ZNF638: variants seen among roughly 807,000 people sequenced by gnomAD.
ZNF638 encodes CTCL tumor antigen se33-1.
Under a neutral mutation model 195.6 loss-of-function variants are expected in ZNF638, and 46 were observed. The ratio of observed to expected loss-of-function variants is 0.24; its 90% CI spans 0.19 to 0.30. ZNF638 has a LOEUF of 0.30. Ranked by LOEUF, ZNF638 falls within the 10% of genes least tolerant of loss-of-function variation. The probability of loss-of-function intolerance (pLI) is 1.00; values close to 1 mark genes in which losing one functional copy is unlikely to be tolerated. For missense variants in ZNF638, 2,440 were observed against 2,325.3 expected, an observed-to-expected ratio of 1.05 and a Z score of -1.01; for synonymous variants, 845 against 772.0, an observed-to-expected ratio of 1.09 and a Z score of -1.57.
At position 71,364,179 on chromosome 2, in the gene ZNF638, A is replaced by G. The variant is rs1038546259; in HGVS notation, c.1644A>G (p.Pro548=). The G allele has an allele frequency of 2.5e-6, 4 of 1,614,074 alleles. No individual in the cohort carries two copies. In the African/African-American group the frequency reaches 5.3e-5, roughly 22 times the overall value. Residue 548 remains proline, a synonymous_variant, in exon 5 of 28, where the codon CCA becomes CCG. Coordinates refer to ENST00000264447, the MANE Select transcript of ZNF638 (RefSeq NM_014497.5). ...GTTCACCATATCGAATTAGAAATCC[A>G]TTTAGAGGTAGTCCAAAATGCTTTC... ...RSRSPYRIRN[P]FRGSPKCFRS...
intron 11 of ZNF638, among the ~76,000 whole-genome samples, chr2:71,397,537 C>A (rs982279121): frequency 3.3e-5 from 5 of 152,110 alleles, no homozygotes; most frequent in Non-Finnish European, 5.9e-5. Context: ...ATTCTCATAA[C>A]GTTCCTGTTA....
rs66593443 is a variant in ZNF638, at chr2:71,336,372, CA to C, written c.-203+4525del. Among the ~76,000 whole-genome samples the C allele has an allele frequency of 4.6e-3, 485 of 105,374 alleles. 1 individual carries two copies. In the East Asian group the frequency reaches 0.083, roughly 18 times the overall value. 69.1% of individuals were successfully genotyped at this position (105,374 alleles called of 152,430 possible). On this transcript the variant is annotated intron_variant, in intron 1 of 27. Coordinates refer to ENST00000264447, the MANE Select transcript of ZNF638 (RefSeq NM_014497.5). ...GGCAACAAGAGTGAAATTCCATCTC[CA>C]AAAAAAAAAAAAAAAAAAAAAAAAA... is the stretch of plus-strand genomic sequence containing the variant.
At chr2:71,411,289 T>C (rs1481213885) in intron 20 of ZNF638, among the ~76,000 whole-genome samples, 1 of 151,570 alleles carries the variant, frequency 6.6e-6, no homozygotes, top group Non-Finnish European at 1.5e-5. Context: ...TTAGCCACCA[T>C]GCCTGGCCCC....
intron 1 of ZNF638, 126 bp downstream of exon 1, chr2:71,332,001 A>T: frequency 1.6e-4 from 106 of 672,960 alleles, no homozygotes; most frequent in Middle Eastern, 7.7e-4. Context: ...TCCGCACAAA[A>T]TGGCGGCGGG....
At chr2:71,332,439 G>T (rs374854243) in intron 1 of ZNF638, among the ~76,000 whole-genome samples, 1 of 152,200 alleles carries the variant, frequency 6.6e-6, no homozygotes, top group Admixed American at 6.5e-5. Flanking sequence ...GATGAAGGAG[G>T]GAATGTTAGG....
At chr2:71,419,943 C>A in intron 21 of ZNF638, among the ~76,000 whole-genome samples, 1 of 126,928 alleles carries the variant, frequency 7.9e-6, no homozygotes, top group Non-Finnish European at 1.6e-5. Flanking sequence ...AAATTAGCAC[C>A]AAAAACTTCT....
intron 10 of ZNF638, chr2:71,395,203 A>G (rs899235017): frequency 4.2e-6 from 3 of 716,836 alleles, no homozygotes; most frequent in African/African-American, 3.5e-5. Context: ...AAAAAATATT[A>G]CTAATTATAC....
chr2:71,421,907 G>A (rs1222565060), intron 21 of ZNF638, among the ~76,000 whole-genome samples: 3 of 152,084 alleles, frequency 2.0e-5, no homozygotes, highest in African/African-American at 4.8e-5. Flanking sequence ...AACTTATTCT[G>A]TGTCTACCTC....
chr2:71,362,725 C>G (rs2079130435), intron 3 of ZNF638, among the ~76,000 whole-genome samples: 1 of 152,130 alleles, frequency 6.6e-6, no homozygotes, highest in Admixed American at 6.5e-5. Context: ...TCTCCTGATT[C>G]CTCTCAGTGG....
At position 71,431,423 on chromosome 2, in the gene ZNF638, C is replaced by T. The variant is rs920771532; in HGVS notation, c.5747C>T (p.Pro1916Leu). 1 of 1,612,472 alleles carries T rather than the reference C, an allele frequency of 6.2e-7. No homozygotes were observed. The highest frequency in any genetic ancestry group is 8.5e-7 in the Non-Finnish European group (1 of 1,179,422). ...GGCAAATCAGTGGCGTCTGATGTCCCTGAGGGTAAAGTTAAAATGACATTT... is the reference window on the plus strand; with the variant it reads ...GGCAAATCAGTGGCGTCTGATGTCCTTGAGGGTAAAGTTAAAATGACATTT... ...SSGKSVASDVPEELDFLVPKA... is the reference protein window; with the variant it reads ...SSGKSVASDVLEELDFLVPKA... The change falls in exon 26 of 28, where the codon CCT (proline) becomes CTT (leucine). Residue 1916 changes from proline to leucine, a missense_variant. By Grantham distance (98) the Pro-to-Leu change is moderately conservative. This residue lies in a region of ZNF638 where 1,883 missense variants were observed against 1,739.1 expected (regional missense o/e 1.08). Transcript: ENST00000264447.
intron 24 of ZNF638, among the ~76,000 whole-genome samples, chr2:71,427,915 A>G (rs1467688809): frequency 6.6e-6 from 1 of 152,162 alleles, no homozygotes; most frequent in Non-Finnish European, 1.5e-5. Context: ...CTTGAGGCCA[A>G]GTATTGTGGC....
At position 71,427,072 on chromosome 2, in the gene ZNF638, A is replaced by G; in HGVS notation, c.5203A>G (p.Thr1735Ala). ...GCCCGAAGACCCTTCTACTTTAGTT[A>G]CTGTAGATGAAATACAAGATGACAG... ...QVPEDPSTLV[T>A]VDEIQDDSSD... The change falls in exon 24 of 28, where the codon ACT becomes GCT. Residue 1735 changes from threonine to alanine, a missense_variant. By Grantham distance (58) the Thr-to-Ala change is moderately conservative (BLOSUM62 0). Transcript: ENST00000264447. 6.2e-7 allele frequency: 1 copy of G among 1,614,152 alleles called. No homozygotes were observed. Among genetic ancestry groups the G allele is most frequent in the East Asian group, 2.2e-5 (1 of 44,868 alleles).
rs1246604198 is a variant in ZNF638 at position 71,368,480 on chromosome 2, A to T, written c.2094A>T (p.Gln698His). The change falls in exon 7 of 28, where the codon CAA (glutamine) becomes CAT (histidine). Residue 698 changes from glutamine to histidine, a missense_variant. Gln to His is a conservative substitution (Grantham distance 24, BLOSUM62 0). Coordinates refer to ENST00000264447, the MANE Select transcript of ZNF638 (RefSeq NM_014497.5). Reference protein sequence around the residue: ...CTEEDVRKLFQPFGKVNDVLI... With the variant: ...CTEEDVRKLFHPFGKVNDVLI... ...AAGAAGATGTGAGAAAATTATTTCA[A>T]CCATTTGGGAAAGTGAATGATGTCC... The T allele has an allele frequency of 2.5e-6, 4 of 1,613,576 alleles. No individual in the cohort carries two copies.
At chr2:71,342,771 A>G (rs548604286) in intron 1 of ZNF638, among the ~76,000 whole-genome samples, 6 of 152,316 alleles carry the variant, frequency 3.9e-5, no homozygotes, top group African/African-American at 1.4e-4. Flanking sequence ...AGTAGCTGAC[A>G]TATGGCATAA....
chr2:71,411,419 G>T (rs1190391583), intron 20 of ZNF638, among the ~76,000 whole-genome samples: 2 of 147,960 alleles, frequency 1.4e-5, no homozygotes, highest in African/African-American at 4.9e-5. Flanking sequence ...ATTTTTCTGA[G>T]GATGTTCTTT....
chr2:71,394,190 G>A (rs1187523572), intron 10 of ZNF638, among the ~76,000 whole-genome samples: 1 of 152,138 alleles, frequency 6.6e-6, no homozygotes, highest in Non-Finnish European at 1.5e-5. Flanking sequence ...ACTGATGTTT[G>A]CATCCATTGT....
intron 5 of ZNF638, among the ~76,000 whole-genome samples, chr2:71,365,220 G>A (rs996732858): frequency 1.3e-4 from 20 of 152,192 alleles, no homozygotes; most frequent in Admixed American, 1.0e-3. Flanking sequence ...TAAGTGTAAA[G>A]CAATCTCAAA....
intron 10 of ZNF638, among the ~76,000 whole-genome samples, chr2:71,383,174 T>C (rs1027832623): frequency 5.9e-5 from 9 of 152,018 alleles, no homozygotes; most frequent in African/African-American, 1.9e-4. Flanking sequence ...ATACAAAGAT[T>C]AGCTGTGTGT....
intron 1 of ZNF638, among the ~76,000 whole-genome samples, chr2:71,340,914 T>C (rs929069996): frequency 1.3e-5 from 2 of 152,166 alleles, no homozygotes; most frequent in Admixed American, 6.5e-5. Context: ...TTGTAAACTT[T>C]AAAGTAGTGT....
Sources: allele counts gnomAD v4.1 joint callset (sites outside exome capture counted in the v4.1 genomes callset), GRCh38; gene constraint gnomAD v4.1.1; regional missense constraint gnomAD v4.1.1; transcripts MANE v1.5; gene names NCBI Gene and HGNC (gene_info 2026-07-23, HGNC 2026-07-21).